Variants in SPATA7 observed in about 807,000 individuals in gnomAD.
SPATA7 encodes the protein spermatogenesis-associated protein 7.
SPATA7 carries 43 observed loss-of-function variants against 51.8 expected under a neutral mutation model. That is an observed-to-expected ratio of 0.83 (90% CI 0.65 to 1.07). SPATA7 has a LOEUF of 1.07. SPATA7 is among the 50% of genes least tolerant of loss of function. The pLI is 0.00. For missense variants in SPATA7, 683 were observed against 701.3 expected (o/e 0.97, Z 0.30); for synonymous variants, 230 against 252.8 (o/e 0.91, Z 0.86).
chr14:88,438,306 T>TC lies in SPATA7; in HGVS notation c.1685dup (p.Pro563ThrfsTer15). The TC allele has an allele frequency of 6.2e-7, 1 of 1,614,032 alleles. No homozygotes were observed. Among genetic ancestry groups the TC allele is most frequent in the Non-Finnish European group, 8.5e-7 (1 of 1,179,958 alleles). ...AAATGGATTATGTGGTCTTAACACA[T>TC]CACCCTCCCAATCTGTTCAGTTCTC... On this transcript the variant is annotated frameshift_variant, in exon 12 of 12. Transcript: ENST00000393545. LOFTEE classifies it low-confidence loss of function (END_TRUNC).
chr14:88,431,095 C>G, intron 8 of SPATA7, 77 bp from the exon 9 acceptor site: 1 of 1,242,290 alleles, frequency 8.0e-7, no homozygotes, highest in Non-Finnish European at 1.2e-6. Flanking sequence ...TCAGTGTGTA[C>G]TAATATACAA....
At chr14:88,462,068 C>T (rs1016371484) in intron 4 of SPATA7, among the ~76,000 whole-genome samples, 8 of 152,140 alleles carry the variant, frequency 5.3e-5, no homozygotes, top group Non-Finnish European at 7.3e-5. Flanking sequence ...AAAATCCTTT[C>T]AGGACACTTA....
chr14:88,449,703 A>C (rs1275822184), intron 3 of SPATA7, among the ~76,000 whole-genome samples: 4 of 152,064 alleles, frequency 2.6e-5, no homozygotes, highest in Non-Finnish European at 5.9e-5. Flanking sequence ...TACTGTATTA[A>C]CATCTATCTC....
At chr14:88,468,142 T>G (rs2077393926) in intron 4 of SPATA7, 4 of 1,614,040 alleles carry the variant, frequency 2.5e-6, no homozygotes, top group Non-Finnish European at 3.4e-6. Context: ...GGAGCTTAGA[T>G]GAGCCTGGAG....
At chr14:88,457,053 C>T (rs1269632718), downstream of SPATA7, among the ~76,000 whole-genome samples, 6 of 152,260 alleles carry the variant, frequency 3.9e-5, no homozygotes, top group East Asian at 1.2e-3. Flanking sequence ...GGTATTATTT[C>T]TGAGGGCTCT....
At chr14:88,398,206 A>G (rs182954577) in intron 4 of SPATA7, among the ~76,000 whole-genome samples, 2 of 152,178 alleles carry the variant, frequency 1.3e-5, no homozygotes, top group Admixed American at 1.3e-4. Context: ...ACTATTCACA[A>G]TAGCAAAGAC....
chr14:88,388,704 T>C (rs1172481968), intron 1 of SPATA7, among the ~76,000 whole-genome samples: 2 of 152,174 alleles, frequency 1.3e-5, no homozygotes, highest in East Asian at 3.8e-4. Context: ...TCAGCCTGGG[T>C]AACATAGCAA....
intron 2 of SPATA7, 102 bp downstream of exon 2, chr14:88,391,557 G>A (rs771868680): frequency 8.5e-6 from 8 of 942,756 alleles, no homozygotes; most frequent in South Asian, 2.8e-5. Flanking sequence ...TTCATTTGAC[G>A]AATATTTGAA....
At chr14:88,433,259 ATTC>A (rs752507820) in intron 10 of SPATA7, 47 bp downstream of exon 10, 4 of 1,285,642 alleles carry the variant, frequency 3.1e-6, no homozygotes, top group Non-Finnish European at 3.4e-6. Flanking sequence ...TACATTAAAT[ATTC>A]TTCATATTTC....
Position 88,437,871 on chromosome 14 carries a change from G to C in SPATA7, c.1249G>C (p.Val417Leu), listed in dbSNP as rs1353547274. Residue 417 changes from valine to leucine, a missense_variant, in exon 12 of 12, where the codon GTA (valine) becomes CTA (leucine). Coordinates refer to ENST00000393545, the MANE Select transcript of SPATA7 (RefSeq NM_018418.5). ...KMRHLLHVLKVDLGCTSEENS... is the reference protein window; with the variant it reads ...KMRHLLHVLKLDLGCTSEENS... ...GCGCCACCTGCTGCATGTCCTGAAA[G>C]TAGACTTAGGCTGCACATCGGAGGA... is the stretch of plus-strand genomic sequence containing the variant. The C allele has an allele frequency of 3.1e-6, 5 of 1,604,280 alleles. No homozygotes were observed. The South Asian group carries it at 5.6e-5, about 18-fold the overall frequency.
chr14:88,468,470 T>G (rs1288184908), intron 4 of SPATA7, among the ~76,000 whole-genome samples: 1 of 152,202 alleles, frequency 6.6e-6, no homozygotes, highest in African/African-American at 2.4e-5. Flanking sequence ...ATGCAGACTA[T>G]TTCTTCAACA....
chr14:88,441,595 A>G (rs2077179153), downstream of SPATA7, among the ~76,000 whole-genome samples: 1 of 152,162 alleles, frequency 6.6e-6, no homozygotes, highest in Admixed American at 6.5e-5. Context: ...TTCCTTGATA[A>G]TTAGTGATGT....
chr14:88,422,307 A>G (rs922801806), intron 5 of SPATA7, among the ~76,000 whole-genome samples: 2 of 152,142 alleles, frequency 1.3e-5, no homozygotes, highest in African/African-American at 4.8e-5. Context: ...GCTATTATGT[A>G]GATAAAAAGA....
chr14:88,458,104 T>A (rs1176559664), downstream of SPATA7, among the ~76,000 whole-genome samples: 2 of 152,172 alleles, frequency 1.3e-5, no homozygotes, highest in African/African-American at 4.8e-5. Flanking sequence ...ATAAGCTTTT[T>A]GATGTGCTGC....
downstream of SPATA7, among the ~76,000 whole-genome samples, chr14:88,440,476 T>C (rs548822434): frequency 6.6e-6 from 1 of 152,324 alleles, no homozygotes; most frequent in South Asian, 2.1e-4. Context: ...AGTATGAAGG[T>C]AGGATGTGGG....
At chr14:88,442,172 C>CTGTTTGTTTGTT (rs56376187), downstream of SPATA7, among the ~76,000 whole-genome samples, 1,550 of 149,452 alleles carry the variant, frequency 0.01, 14 homozygotes, top group Middle Eastern at 0.017. Flanking sequence ...GTCTATATGC[C>CTGTTTGTTTGTT]TGTTTGTTTG....
chr14:88,466,886 CA>C (rs2140071028), intron 4 of SPATA7: 1 of 152,286 alleles, frequency 6.6e-6, no homozygotes, highest in South Asian at 2.1e-4. Flanking sequence ...TCCCTTCCTT[CA>C]ACCAAAAGGA....
At chr14:88,460,479 C>G (rs1099700) in intron 4 of SPATA7, among the ~76,000 whole-genome samples, 84,010 of 151,938 alleles carry the variant, frequency 0.55, 25,462 homozygotes, top group Admixed American at 0.7. Context: ...TCACTGATAC[C>G]CTTTCTTCCA....
chr14:88,451,835 T>G (rs1223227021), intron 3 of SPATA7, among the ~76,000 whole-genome samples: 2 of 152,194 alleles, frequency 1.3e-5, no homozygotes, highest in Admixed American at 1.3e-4. Flanking sequence ...CTATATCATT[T>G]TTTTTATTTC....
Sources: allele counts gnomAD v4.1 joint callset (sites outside exome capture counted in the v4.1 genomes callset), GRCh38; gene constraint gnomAD v4.1.1; transcripts MANE v1.5; gene names NCBI Gene and HGNC (gene_info 2026-07-23, HGNC 2026-07-21).